CSRNP3: variants seen among roughly 807,000 people sequenced by gnomAD.
CSRNP3 encodes the protein cysteine and serine rich nuclear protein 3, also known as cysteine/serine-rich nuclear protein 3.
A neutral mutation model predicts 48.0 loss-of-function variants in CSRNP3; 12 were observed. The observed-to-expected ratio is 0.25, with a 90% CI of 0.16 to 0.41. The LOEUF (loss-of-function observed/expected upper bound fraction) is 0.41. CSRNP3 is among the 10% of genes least tolerant of loss of function. The probability of loss-of-function intolerance (pLI) is 1.00; values close to 1 mark genes in which losing one functional copy is unlikely to be tolerated. For missense variants in CSRNP3, 580 were observed against 724.4 expected (o/e 0.80, Z 2.29); for synonymous variants, 263 against 269.7 (o/e 0.98, Z 0.24).
intron 3 of CSRNP3, among the ~76,000 whole-genome samples, chr2:165,577,182 A>C (rs1478896305): frequency 4.0e-5 from 6 of 151,790 alleles, no homozygotes; most frequent in African/African-American, 1.2e-4. Flanking sequence ...TGAAACATGT[A>C]GAAGGAAAAT....
chr2:165,544,341 T>C (rs1308947722), intron 3 of CSRNP3, among the ~76,000 whole-genome samples: 1 of 152,100 alleles, frequency 6.6e-6, no homozygotes, highest in African/African-American at 2.4e-5. Context: ...GAAATGGTGA[T>C]TAAGGAGAGT....
At chr2:165,634,806 G>A (rs1313067627) in intron 4 of CSRNP3, among the ~76,000 whole-genome samples, 1 of 152,210 alleles carries the variant, frequency 6.6e-6, no homozygotes, top group Non-Finnish European at 1.5e-5. Context: ...AAGTACTCCA[G>A]TACATCCTGC....
intron 4 of CSRNP3, among the ~76,000 whole-genome samples, chr2:165,603,841 C>T (rs1248521633): frequency 6.6e-6 from 1 of 152,164 alleles, no homozygotes; most frequent in Non-Finnish European, 1.5e-5. Flanking sequence ...ACACAATGTT[C>T]ATGTCTCCTC....
intron 5 of CSRNP3, among the ~76,000 whole-genome samples, chr2:165,673,887 G>T (rs1687375871): frequency 6.6e-6 from 1 of 152,064 alleles, no homozygotes; most frequent in African/African-American, 2.4e-5. Flanking sequence ...TGGGCATGGT[G>T]GCAGGCGCCT....
In CSRNP3 at chr2:165,679,181, G is replaced by T. The variant is rs1687483143; in HGVS notation, c.1186G>T (p.Gly396Cys). ...TGACAAAGGAGATGGCTTCGTGGAA[G>T]GTTTGGGCACCCATGCCGAAGTTGT... is the stretch of plus-strand genomic sequence containing the variant. Reference protein sequence around the residue: ...DDDKGDGFVEGLGTHAEVVPL... With the variant: ...DDDKGDGFVECLGTHAEVVPL... Residue 396 changes from glycine to cysteine, a missense_variant, in exon 7 of 7, where the codon GGT becomes TGT. Transcript: ENST00000651982. 6.2e-7 allele frequency: 1 copy of T among 1,613,772 alleles called. No homozygotes were observed. Among genetic ancestry groups the T allele is most frequent in the Admixed American group, 1.7e-5 (1 of 59,984 alleles).
intron 4 of CSRNP3, among the ~76,000 whole-genome samples, chr2:165,647,023 G>A (rs779898319): frequency 1.5e-4 from 23 of 151,942 alleles, no homozygotes; most frequent in Non-Finnish European, 3.1e-4. Context: ...CTGGGAAGTA[G>A]GTGGTACTTG....
At chr2:165,585,231 T>C (rs1574849465) in intron 3 of CSRNP3, among the ~76,000 whole-genome samples, 2 of 151,540 alleles carry the variant, frequency 1.3e-5, no homozygotes, top group Non-Finnish European at 1.5e-5. Context: ...TTTTTTTAAC[T>C]GAGTTCTCTT....
intron 2 of CSRNP3, among the ~76,000 whole-genome samples, chr2:165,515,321 CA>C (rs373110199): frequency 0.025 from 2,552 of 100,788 alleles, 60 homozygotes; most frequent in African/African-American, 0.075. Context: ...GACTCCATCT[CA>C]AAAAAAAAAA....
intron 5 of CSRNP3, among the ~76,000 whole-genome samples, chr2:165,661,959 C>T (rs1304731676): frequency 5.9e-5 from 9 of 152,134 alleles, no homozygotes; most frequent in Non-Finnish European, 1.5e-5. Context: ...GTTCCTCTTT[C>T]CACTGTCCCT....
intron 1 of CSRNP3, among the ~76,000 whole-genome samples, chr2:165,477,006 T>G (rs1683971382): frequency 6.6e-6 from 1 of 152,196 alleles, no homozygotes. Context: ...CCCTCTTGAC[T>G]GGCTTTTTTT....
At chr2:165,591,911 T>G (rs1685723738) in intron 3 of CSRNP3, among the ~76,000 whole-genome samples, 1 of 152,168 alleles carries the variant, frequency 6.6e-6, no homozygotes, top group Non-Finnish European at 1.5e-5. Context: ...GAGTCCCCAC[T>G]GGGGCACTGC....
chr2:165,484,165 C>G lies in CSRNP3; in HGVS notation c.-282-10594C>G, dbSNP rs1270471506. 2.0e-5 allele frequency among the ~76,000 whole-genome samples: 3 copies of G among 152,238 alleles called. No homozygotes were observed. The East Asian group carries it at 5.8e-4, about 29-fold the overall frequency. ...CTGTCACCCAGGCTATCTTGGCTCA[C>G]TGCAGCCTCCACCTCCCAGGTTCAA... On this transcript the variant is annotated intron_variant, in intron 1 of 6. Coordinates refer to ENST00000651982, the MANE Select transcript of CSRNP3 (RefSeq NM_001172173.2).
chr2:165,506,020 A>G (rs1481386970), intron 2 of CSRNP3, among the ~76,000 whole-genome samples: 5 of 152,130 alleles, frequency 3.3e-5, no homozygotes, highest in African/African-American at 1.2e-4. Flanking sequence ...CATTAGGCCA[A>G]AATGGATTGG....
In CSRNP3 at chr2:165,685,743, T is replaced by C. The variant is rs1195178468; in HGVS notation, c.*5990T>C. The C allele has an allele frequency of 3.3e-5, 5 of 152,096 alleles. No homozygotes were observed. Among genetic ancestry groups the C allele is most frequent in the Non-Finnish European group, 5.9e-5 (4 of 67,972 alleles). The allele number at this position is 152,096 out of a possible 1,614,324, so 9.4% of individuals were successfully genotyped here. On this transcript the variant is annotated 3_prime_UTR_variant, in exon 7 of 7. Coordinates refer to ENST00000651982, the MANE Select transcript of CSRNP3 (RefSeq NM_001172173.2). The stretch of plus-strand genomic sequence containing the variant: ...TTCAAGAAATGTCAACTTCACTGTG[T>C]CACTTTATGTCATCTCTCATAAAAG...
chr2:165,539,980 T>A (rs903957198), intron 3 of CSRNP3, among the ~76,000 whole-genome samples: 28 of 152,088 alleles, frequency 1.8e-4, no homozygotes, highest in African/African-American at 6.8e-4. Context: ...TCAGAATTGC[T>A]GTTAATGTAC....
chr2:165,583,953 T>C (rs1171573876), intron 3 of CSRNP3, among the ~76,000 whole-genome samples: 2 of 152,088 alleles, frequency 1.3e-5, no homozygotes, highest in Non-Finnish European at 2.9e-5. Flanking sequence ...AAAGAATAGC[T>C]ACTCATAGAC....
rs139759452 is a variant in CSRNP3, at chr2:165,594,191, C to T, written c.-23-852C>T. On this transcript the variant is annotated intron_variant, in intron 3 of 6. Coordinates refer to ENST00000651982, the MANE Select transcript of CSRNP3 (RefSeq NM_001172173.2). ...GGATATTTAACCTTTCAGTTAAATA[C>T]TGTACTTTCAGTTAATGTAATTTAG... 2.4e-3 allele frequency among the ~76,000 whole-genome samples: 358 copies of T among 152,230 alleles called. 1 individual carries two copies. Among genetic ancestry groups the T allele is most frequent in the African/African-American group, 7.8e-3 (322 of 41,520 alleles).
intron 5 of CSRNP3, among the ~76,000 whole-genome samples, chr2:165,670,722 A>G (rs972714747): frequency 2.0e-5 from 3 of 152,190 alleles, no homozygotes; most frequent in Non-Finnish European, 4.4e-5. Context: ...TATTAATATT[A>G]TGTCATATCT....
In CSRNP3 at chr2:165,498,359, G is replaced by C. The variant is rs528763339; in HGVS notation, c.-113+3431G>C. Among the ~76,000 whole-genome samples, 4 of 152,150 alleles carry C rather than the reference G, an allele frequency of 2.6e-5. No homozygotes were observed. In the South Asian group the frequency reaches 6.2e-4, roughly 24 times the overall value. Reference sequence around the variant, plus strand: ...ACCTTTGTATATTCCACTTTTGCCAGATGGATGCCTGGACTCCCTGAAAAA... The same window carrying C: ...ACCTTTGTATATTCCACTTTTGCCACATGGATGCCTGGACTCCCTGAAAAA... On this transcript the variant is annotated intron_variant, in intron 2 of 6. Transcript: ENST00000651982.
Sources: allele counts gnomAD v4.1 joint callset (sites outside exome capture counted in the v4.1 genomes callset), GRCh38; gene constraint gnomAD v4.1.1; transcripts MANE v1.5; gene names NCBI Gene and HGNC (gene_info 2026-07-23, HGNC 2026-07-21).